The following RGL1 variants were observed in gnomAD, a reference collection of about 807,000 sequenced individuals.
RGL1 encodes the protein ral guanine nucleotide dissociation stimulator-like 1.
RGL1 carries 24 observed loss-of-function variants against 95.2 expected under a neutral mutation model. That is an observed-to-expected ratio of 0.25 (90% CI 0.18 to 0.35). RGL1 has a LOEUF of 0.35. Ranked by LOEUF, RGL1 falls within the 10% of genes least tolerant of loss-of-function variation. The pLI is 1.00. For missense variants in RGL1, 715 were observed against 936.3 expected, an observed-to-expected ratio of 0.76 and a Z score of 3.08; for synonymous variants, 329 against 344.9, an observed-to-expected ratio of 0.95 and a Z score of 0.51.
intron 3 of RGL1, among the ~76,000 whole-genome samples, chr1:183,849,482 A>AATTTTTTTATT (rs150367802): frequency 4.0e-5 from 4 of 99,360 alleles, no homozygotes; most frequent in Non-Finnish European, 7.7e-5. Flanking sequence ...TCCAGTTTTT[A>AATTTTTTTATT]GTTTTTTTTT....
At chr1:183,671,384 A>C (rs2102053668) in intron 1 of RGL1, among the ~76,000 whole-genome samples, 1 of 152,326 alleles carries the variant, frequency 6.6e-6, no homozygotes, top group East Asian at 1.9e-4. Flanking sequence ...ATGATAAATA[A>C]ATTTCAACTT....
intron 2 of RGL1, among the ~76,000 whole-genome samples, chr1:183,821,004 G>T (rs1662447748): frequency 6.6e-6 from 1 of 151,852 alleles, no homozygotes; most frequent in South Asian, 2.1e-4. Context: ...GTGGTGGTGG[G>T]CGCCTGTAAT....
chr1:183,723,898 CCTT>C (rs751707346), intron 1 of RGL1, among the ~76,000 whole-genome samples: 1 of 152,112 alleles, frequency 6.6e-6, no homozygotes, highest in African/African-American at 2.4e-5. Context: ...AAAAAAGACT[CCTT>C]CTTTCTGCTT....
chr1:183,643,262 T>TTTGTTTGTTTATTTATTTA (rs1553265192), intron 1 of RGL1, among the ~76,000 whole-genome samples: 1 of 136,434 alleles, frequency 7.3e-6, no homozygotes, highest in Admixed American at 7.2e-5. Context: ...GGTCCTGTTT[T>TTTGTTTGTTTATTTATTTA]TTTATTTATT....
chr1:183,726,540 A>C (rs1271231908), intron 1 of RGL1, among the ~76,000 whole-genome samples: 1 of 152,164 alleles, frequency 6.6e-6, no homozygotes, highest in Non-Finnish European at 1.5e-5. Context: ...GAAATGGACA[A>C]ATTCCTTGAA....
In RGL1 at chr1:183,647,825, GT is replaced by G. The variant is rs770601700; in HGVS notation, c.-33+11325del. ...GGAATGACATTTGAGGCATATTTAAGTGCCTTACGATATTCCTGGGTTTATT... is the reference window on the plus strand; with the variant it reads ...GGAATGACATTTGAGGCATATTTAAGGCCTTACGATATTCCTGGGTTTATT... On this transcript the variant is annotated intron_variant, in intron 1 of 18. Coordinates refer to the RGL1 transcript ENST00000304685. The G allele has an allele frequency of 3.7e-6, 6 of 1,614,162 alleles. No individual in the cohort carries two copies. The South Asian group carries it at 5.5e-5, about 15-fold the overall frequency.
chr1:183,827,428 G>C (rs1210458015), intron 2 of RGL1, among the ~76,000 whole-genome samples: 4 of 152,170 alleles, frequency 2.6e-5, no homozygotes, highest in Non-Finnish European at 5.9e-5. Flanking sequence ...TGTTAAACTG[G>C]AATCTCTCCC....
intron 3 of RGL1, 119 bp downstream of exon 3, chr1:183,847,893 C>T (rs547767095): frequency 1.2e-5 from 9 of 727,404 alleles, no homozygotes; most frequent in East Asian, 2.6e-5. Flanking sequence ...GAAAGATTAA[C>T]GGGAAGGGAT....
intron 1 of RGL1, among the ~76,000 whole-genome samples, chr1:183,699,304 C>T (rs1654444158): frequency 6.6e-6 from 1 of 152,188 alleles, no homozygotes; most frequent in Non-Finnish European, 1.5e-5. Flanking sequence ...ATCCTTGAAA[C>T]TATATTGTAG....
At position 183,904,871 on chromosome 1, in the gene RGL1, A is replaced by G. The variant is rs749237897; in HGVS notation, c.1372A>G (p.Ile458Val). 1 of 1,612,396 alleles carries G rather than the reference A, an allele frequency of 6.2e-7. No homozygotes were observed. The highest frequency in any genetic ancestry group is 1.1e-5 in the South Asian group (1 of 90,574). The part of the protein sequence containing the change: ...RRREFEVIAQ[I>V]KLLQSACNSY... ...TTAGGAATTTGAAGTGATTGCCCAG[A>G]TAAAGCTCTTACAGTCTGCCTGCAA... Residue 458 changes from isoleucine to valine, a missense_variant, in exon 13 of 18, where the codon ATA (isoleucine) becomes GTA (valine). Around this residue, in one of 3 missense-constraint regions of RGL1, gnomAD observed 330 missense variants for 429.6 expected, o/e 0.77. Coordinates refer to ENST00000360851, the MANE Select transcript of RGL1 (RefSeq NM_001297671.3).
intron 5 of RGL1, among the ~76,000 whole-genome samples, chr1:183,882,419 G>C (rs9286851): frequency 1 from 152,019 of 152,338 alleles, 75,851 homozygotes; most frequent in Non-Finnish European, 1. Flanking sequence ...GGGAGAGGCC[G>C]TTTCTGAACC....
At chr1:183,830,378 A>G (rs1663178807) in intron 2 of RGL1, among the ~76,000 whole-genome samples, 1 of 152,232 alleles carries the variant, frequency 6.6e-6, no homozygotes, top group Admixed American at 6.5e-5. Flanking sequence ...TCATGCAGAA[A>G]GTATTGGAAG....
chr1:183,878,988 T>A (rs1020717921), intron 4 of RGL1, among the ~76,000 whole-genome samples: 2 of 152,234 alleles, frequency 1.3e-5, no homozygotes, highest in African/African-American at 4.8e-5. Context: ...TCTGTAAAAG[T>A]CAAGCTGATG....
intron 1 of RGL1, among the ~76,000 whole-genome samples, chr1:183,714,726 A>G (rs1655506578): frequency 6.6e-6 from 1 of 152,194 alleles, no homozygotes; most frequent in South Asian, 2.1e-4. Flanking sequence ...TTATCTTTTA[A>G]TAACTGTATC....
Position 183,897,847 on chromosome 1 carries a change from A to G in RGL1, c.1180A>G (p.Lys394Glu). ...ATTTGCAAACCTGGACAGCAGTGTG[A>G]AAGAAAACCAGAAGCGTACCCAGAG... ...SKFANLDSSVKENQKRTQRRL... is the reference protein window; with the variant it reads ...SKFANLDSSVEENQKRTQRRL... The change falls in exon 10 of 18, where the codon AAA becomes GAA. Residue 394 changes from lysine (K) to glutamate (E), a missense_variant. By Grantham distance (56) the Lys-to-Glu change is moderately conservative. Coordinates refer to ENST00000360851, the MANE Select transcript of RGL1 (RefSeq NM_001297671.3). 6.2e-7 allele frequency: 1 copy of G among 1,614,114 alleles called. No individual in the cohort carries two copies. Among genetic ancestry groups the G allele is most frequent in the Non-Finnish European group, 8.5e-7 (1 of 1,179,948 alleles).
intron 17 of RGL1, 93 bp from the exon 18 acceptor site, chr1:183,926,012 G>A (rs1039985912): frequency 1.7e-5 from 19 of 1,102,020 alleles, no homozygotes; most frequent in Middle Eastern, 2.1e-4. Flanking sequence ...CCGTAGTCCC[G>A]TTCTTGTGTC....
At chr1:183,919,087 T>C (rs1669162968) in intron 16 of RGL1, among the ~76,000 whole-genome samples, 1 of 152,228 alleles carries the variant, frequency 6.6e-6, no homozygotes, top group Admixed American at 6.5e-5. Flanking sequence ...ATTTACCACA[T>C]TAGATATTTA....
At chr1:183,744,781 A>C (rs1657521189) in intron 2 of RGL1, among the ~76,000 whole-genome samples, 1 of 152,062 alleles carries the variant, frequency 6.6e-6, no homozygotes, top group Non-Finnish European at 1.5e-5. Context: ...AATATAGTCA[A>C]ATTTATTTCT....
chr1:183,680,182 TG>T (rs1163316176), intron 1 of RGL1, among the ~76,000 whole-genome samples: 10 of 152,138 alleles, frequency 6.6e-5, no homozygotes, highest in Non-Finnish European at 5.9e-5. Flanking sequence ...TTCACTCCAA[TG>T]ATAGTTTTTT....
Sources: allele counts gnomAD v4.1 joint callset (sites outside exome capture counted in the v4.1 genomes callset), GRCh38; gene constraint gnomAD v4.1.1; regional missense constraint gnomAD v4.1.1; transcripts MANE v1.5; gene names NCBI Gene and HGNC (gene_info 2026-07-23, HGNC 2026-07-21).